RNGTT: variants seen among roughly 807,000 people sequenced by gnomAD.
RNGTT encodes the protein RNA guanylyltransferase and 5'-phosphatase.
A neutral mutation model predicts 79.3 loss-of-function variants in RNGTT; 33 were observed. The observed-to-expected ratio is 0.42, with a 90% confidence interval of 0.32 to 0.56. The LOEUF (loss-of-function observed/expected upper bound fraction) is 0.56, where lower values mean the gene tolerates loss of function less well. Ranked by LOEUF, RNGTT falls within the 20% of genes least tolerant of loss-of-function variation. The probability of loss-of-function intolerance (pLI) is 0.17; values close to 1 mark genes in which losing one functional copy is unlikely to be tolerated. For missense variants in RNGTT, 497 were observed against 739.1 expected, an observed-to-expected ratio of 0.67 and a Z score of 3.80; for synonymous variants, 222 against 235.9, an observed-to-expected ratio of 0.94 and a Z score of 0.54.
At chr6:88,843,450 T>G (rs1781369832) in intron 11 of RNGTT, among the ~76,000 whole-genome samples, 1 of 150,338 alleles carries the variant, frequency 6.7e-6, no homozygotes, top group South Asian at 2.1e-4. Flanking sequence ...ATGGCAAATC[T>G]CTATACACTG....
intron 14 of RNGTT, among the ~76,000 whole-genome samples, chr6:88,676,641 G>A (rs550876024): frequency 6.6e-6 from 1 of 152,302 alleles, no homozygotes; most frequent in Middle Eastern, 3.4e-3. Context: ...AAAAGACAAC[G>A]ATAGCTGGGA....
At chr6:88,613,453 AATTAAC>A (rs1401233834) in intron 15 of RNGTT, among the ~76,000 whole-genome samples, 4 of 152,208 alleles carry the variant, frequency 2.6e-5, no homozygotes, top group African/African-American at 9.6e-5. Flanking sequence ...TGACTTTTGA[AATTAAC>A]TCATCTTGTC....
intron 13 of RNGTT, among the ~76,000 whole-genome samples, chr6:88,756,802 C>T (rs1778031138): frequency 6.6e-6 from 1 of 152,158 alleles, no homozygotes; most frequent in Non-Finnish European, 1.5e-5. Context: ...TTGGGGTTTA[C>T]TCTAGTTTGT....
At chr6:88,890,463 A>C (rs1783009117) in intron 8 of RNGTT, 32 bp downstream of exon 8, 1 of 1,335,550 alleles carries the variant, frequency 7.5e-7, no homozygotes, top group South Asian at 1.2e-5. Flanking sequence ...CATTAGGGTT[A>C]TTTGTGTAAT....
chr6:88,831,433 C>G (rs1780861413), intron 11 of RNGTT, among the ~76,000 whole-genome samples: 2 of 152,172 alleles, frequency 1.3e-5, no homozygotes, highest in Admixed American at 6.5e-5. Context: ...ACTGATGGAA[C>G]TTATCTCAAA....
At chr6:88,866,739 A>G (rs1782178476) in intron 8 of RNGTT, among the ~76,000 whole-genome samples, 1 of 152,178 alleles carries the variant, frequency 6.6e-6, no homozygotes, top group South Asian at 2.1e-4. Context: ...AAATCTTAAG[A>G]CACATCTTAA....
chr6:88,643,336 C>T (rs1773398814), intron 14 of RNGTT, among the ~76,000 whole-genome samples: 1 of 152,118 alleles, frequency 6.6e-6, no homozygotes, highest in African/African-American at 2.4e-5. Context: ...ACGGAAAGCA[C>T]AGTTCTACTG....
chr6:88,958,271 G>A lies in RNGTT; in HGVS notation c.64+5075C>T, dbSNP rs1051207327. Among the ~76,000 whole-genome samples, 13 of 152,142 alleles carry A rather than the reference G, an allele frequency of 8.5e-5. 1 individual carries two copies. The highest frequency in any genetic ancestry group is 1.9e-4 in the Non-Finnish European group (13 of 68,022). On this transcript the variant is annotated intron_variant, in intron 1 of 15. Coordinates refer to ENST00000369485, the MANE Select transcript of RNGTT (RefSeq NM_003800.5). ...AAGATCTGAAACCATAAAAATTCTAGAAGATAACATTGGAAAAAACTCTTC... is the reference window on the plus strand; with the variant it reads ...AAGATCTGAAACCATAAAAATTCTAAAAGATAACATTGGAAAAAACTCTTC...
At chr6:88,631,039 T>C (rs1184594853) in intron 14 of RNGTT, among the ~76,000 whole-genome samples, 1 of 152,208 alleles carries the variant, frequency 6.6e-6, no homozygotes, top group Non-Finnish European at 1.5e-5. Flanking sequence ...GGCTGCTCAA[T>C]TTCCAGGCCA....
intron 13 of RNGTT, among the ~76,000 whole-genome samples, chr6:88,719,449 A>C (rs1314160222): frequency 6.6e-6 from 1 of 152,194 alleles, no homozygotes; most frequent in African/African-American, 2.4e-5. Flanking sequence ...TTACTGAGAA[A>C]ATTTCAGATT....
At chr6:88,829,363 C>T (rs1780774793) in intron 11 of RNGTT, among the ~76,000 whole-genome samples, 1 of 152,170 alleles carries the variant, frequency 6.6e-6, no homozygotes, top group Non-Finnish European at 1.5e-5. Flanking sequence ...CCTAAAAGAG[C>T]TCCTGAAGGA....
chr6:88,931,859 T>C lies in RNGTT; in HGVS notation c.175-2592A>G, dbSNP rs144119663. ...TCCCATCATCTTCGTAAGCTGAGGA[T>C]GTATGTGGCCTCAGGACCCTGTGAT... is the stretch of plus-strand genomic sequence containing the variant. On this transcript the variant is annotated intron_variant, in intron 2 of 15. Coordinates refer to ENST00000369485, the MANE Select transcript of RNGTT (RefSeq NM_003800.5). Among the ~76,000 whole-genome samples the C allele has an allele frequency of 4.5e-3, 690 of 152,250 alleles. 6 individuals carry two copies. Among genetic ancestry groups the C allele is most frequent in the African/African-American group, 0.016 (658 of 41,532 alleles).
chr6:88,822,336 C>T (rs1199349745), intron 11 of RNGTT, among the ~76,000 whole-genome samples: 2 of 152,034 alleles, frequency 1.3e-5, no homozygotes, highest in Non-Finnish European at 2.9e-5. Flanking sequence ...AATATATGTC[C>T]AACACCAATA....
intron 4 of RNGTT, among the ~76,000 whole-genome samples, chr6:88,913,082 G>A (rs759280066): frequency 7.0e-4 from 107 of 152,102 alleles, no homozygotes; most frequent in Non-Finnish European, 1.2e-3. Context: ...GCACACGCCT[G>A]TAATCCCAGC....
chr6:88,960,166 T>TTTAA (rs1368749178), intron 1 of RNGTT, among the ~76,000 whole-genome samples: 2 of 152,230 alleles, frequency 1.3e-5, no homozygotes, highest in Non-Finnish European at 2.9e-5. Flanking sequence ...ATGGATGGTT[T>TTTAA]GCTACTCCCA....
chr6:88,908,705 G>T (rs76553710), intron 4 of RNGTT, among the ~76,000 whole-genome samples: 1,853 of 152,216 alleles, frequency 0.012, 22 homozygotes, highest in African/African-American at 0.033. Context: ...CCACCATAGG[G>T]CCCATCCTCC....
chr6:88,844,288 TC>T, intron 11 of RNGTT, 68 bp downstream of exon 11: 1 of 1,423,034 alleles, frequency 7.0e-7, no homozygotes, highest in Non-Finnish European at 9.7e-7. Context: ...AAAATGTCAT[TC>T]ATATTCATCT....
intron 12 of RNGTT, among the ~76,000 whole-genome samples, chr6:88,771,315 G>GTGTGTGTATATATATATATATATA (rs1303688973): frequency 1.3e-4 from 8 of 62,066 alleles, no homozygotes; most frequent in South Asian, 5.7e-4. Flanking sequence ...GTGTGTGTGT[G>GTGTGTGTATATATATATATATATA]TATATATATA....
At chr6:88,897,843 G>A (rs1783305009) in intron 6 of RNGTT, among the ~76,000 whole-genome samples, 2 of 152,284 alleles carry the variant, frequency 1.3e-5, no homozygotes, top group South Asian at 2.1e-4. Context: ...TAAGCACAGA[G>A]TGCCTACATG....
Sources: gnomAD v4.1 joint callset for allele counts (sites outside exome capture counted in the v4.1 genomes callset) on GRCh38, gnomAD v4.1.1 for gene constraint, MANE v1.5 for transcripts, NCBI Gene and HGNC (gene_info 2026-07-23, HGNC 2026-07-21) for gene names.